EIF4E1B: variants seen among roughly 807,000 people sequenced by gnomAD.
EIF4E1B encodes eukaryotic translation initiation factor 4E type 1B.
EIF4E1B carries 22 observed loss-of-function variants against 31.3 expected under a neutral mutation model. The ratio of observed to expected loss-of-function variants is 0.70; its 90% confidence interval spans 0.50 to 1.00. The LOEUF (loss-of-function observed/expected upper bound fraction) is 1.00. Ranked by LOEUF, EIF4E1B falls within the 50% of genes least tolerant of loss-of-function variation. The probability of loss-of-function intolerance (pLI) is 0.00; values close to 1 mark genes in which losing one functional copy is unlikely to be tolerated. For synonymous variants in EIF4E1B, 126 were observed against 120.2 expected, an observed-to-expected ratio of 1.05 and a Z score of -0.31; for missense variants, 290 against 311.6, an observed-to-expected ratio of 0.93 and a Z score of 0.52.
Position 176,646,007 on chromosome 5 carries a change from A to G in EIF4E1B, c.*27A>G, listed in dbSNP as rs1410932852. On this transcript the variant is annotated 3_prime_UTR_variant, in exon 9 of 9. Transcript: ENST00000318682. Reference sequence around the variant, plus strand: ...GGGGGCCTTGGCACCCCTCCTATGTAATGGGACAGCCGCCACTGAGCCTCA... The same window carrying G: ...GGGGGCCTTGGCACCCCTCCTATGTGATGGGACAGCCGCCACTGAGCCTCA... 3 of 1,557,848 alleles carry G rather than the reference A, an allele frequency of 1.9e-6. No homozygotes were observed. Among genetic ancestry groups the G allele is most frequent in the South Asian group, 2.3e-5 (2 of 85,778 alleles).
chr5:176,633,457 G>A (rs901599991), intron 1 of EIF4E1B, among the ~76,000 whole-genome samples: 7 of 152,108 alleles, frequency 4.6e-5, no homozygotes, highest in Non-Finnish European at 5.9e-5. Context: ...CGTAGAGACA[G>A]GGTATTTGTT....
intron 1 of EIF4E1B, among the ~76,000 whole-genome samples, chr5:176,639,861 G>A (rs1760547385): frequency 6.6e-6 from 1 of 152,100 alleles, no homozygotes; most frequent in Admixed American, 6.6e-5. Context: ...GTTTGAGGCT[G>A]CAGTGAGCTA....
chr5:176,643,997 C>G (rs1189208399), intron 5 of EIF4E1B: 14 of 568,576 alleles, frequency 2.5e-5, no homozygotes, highest in East Asian at 1.5e-4. Flanking sequence ...GGGCAAGTTC[C>G]TTCCCCTCTC....
intron 1 of EIF4E1B, among the ~76,000 whole-genome samples, chr5:176,636,043 C>G (rs1022557490): frequency 5.9e-5 from 9 of 152,190 alleles, no homozygotes; most frequent in African/African-American, 2.2e-4. Flanking sequence ...TCTCGAACTC[C>G]TGACCTCAGG....
Position 176,634,671 on chromosome 5 carries a change from T to C in EIF4E1B, c.-202+3607T>C, listed in dbSNP as rs917497647. Among the ~76,000 whole-genome samples, 474 of 137,944 alleles carry C rather than the reference T, an allele frequency of 3.4e-3. 1 individual carries two copies. Among genetic ancestry groups the C allele is most frequent in the African/African-American group, 0.012 (450 of 38,538 alleles). The allele number at this position is 137,944 out of a possible 152,430, so 90.5% of individuals were successfully genotyped here. On this transcript the variant is annotated intron_variant, in intron 1 of 8. Coordinates refer to ENST00000318682, the MANE Select transcript of EIF4E1B (RefSeq NM_001099408.2). ...CACAATTCCTGAAGTTTTTTTTTTT[T>C]TCTTTTTTTTTTTTTCGAGACAGAG...
intron 1 of EIF4E1B, among the ~76,000 whole-genome samples, chr5:176,641,459 C>T (rs1760576150): frequency 6.6e-6 from 1 of 152,238 alleles, no homozygotes; most frequent in African/African-American, 2.4e-5. Context: ...CTGATACACG[C>T]ACCTAAGAAC....
intron 2 of EIF4E1B, 112 bp from the exon 3 acceptor site, chr5:176,642,598 C>T (rs1354485609): frequency 3.5e-6 from 3 of 859,652 alleles, no homozygotes; most frequent in African/African-American, 1.7e-5. Context: ...GTCAGTGTCT[C>T]TGCTTCTGCC....
intron 1 of EIF4E1B, among the ~76,000 whole-genome samples, chr5:176,637,603 T>C (rs1266878225): frequency 6.6e-6 from 1 of 152,072 alleles, no homozygotes; most frequent in Admixed American, 6.6e-5. Flanking sequence ...TCACATACGA[T>C]GGGCAGGGAT....
At chr5:176,643,030 G>A (rs1760615870) in intron 3 of EIF4E1B, 52 bp from the exon 4 acceptor site, 6 of 1,555,878 alleles carry the variant, frequency 3.9e-6, no homozygotes, top group South Asian at 3.6e-5. Flanking sequence ...TGGGCACAGG[G>A]ACAGCCAGGG....
chr5:176,645,217 G>A lies in EIF4E1B; in HGVS notation c.448G>A (p.Glu150Lys), dbSNP rs1760670075. The stretch of plus-strand genomic sequence containing the variant: ...CCTGGCCAAGCAGCAGCGCCACATT[G>A]AGCTGGACCGGCTGTGGCTGGAGAC... ...VSLAKQQRHI[E>K]LDRLWLETLL... Residue 150 changes from glutamate (E) to lysine (K), a missense_variant, in exon 7 of 9, where the codon GAG (glutamate) becomes AAG (lysine). Transcript: ENST00000318682. This position sits in a 1 kb window ranked among gnomAD's most constrained non-coding sequence, Gnocchi z 5.4. The A allele has an allele frequency of 1.3e-6, 2 of 1,593,234 alleles. No individual in the cohort carries two copies. Among genetic ancestry groups the A allele is most frequent in the Non-Finnish European group, 1.7e-6 (2 of 1,170,106 alleles).
intron 1 of EIF4E1B, among the ~76,000 whole-genome samples, chr5:176,640,463 G>C (rs1337494324): frequency 6.6e-6 from 1 of 152,256 alleles, no homozygotes; most frequent in Non-Finnish European, 1.5e-5. Context: ...CAATAGATAA[G>C]TGGGACACAG....
At chr5:176,644,038 C>T (rs1449031896) in intron 5 of EIF4E1B, 7 of 550,968 alleles carry the variant, frequency 1.3e-5, no homozygotes, top group South Asian at 2.5e-5. Flanking sequence ...AGGGAGGACT[C>T]GGCTGCCTCA....
intron 2 of EIF4E1B, 67 bp from the exon 3 acceptor site, chr5:176,642,634 TCTGGGGTCA>T: frequency 7.8e-7 from 1 of 1,289,970 alleles, no homozygotes; most frequent in Non-Finnish European, 1.1e-6. Context: ...CACCTCACAT[TCTGGGGTCA>T]CCCTCCACGG....
In EIF4E1B at chr5:176,638,719, C is replaced by T. The variant is rs1760532543; in HGVS notation, c.-201-3324C>T. On this transcript the variant is annotated intron_variant, in intron 1 of 8. Coordinates refer to ENST00000318682, the MANE Select transcript of EIF4E1B (RefSeq NM_001099408.2). The surrounding 1 kb of genome is among the most constrained non-coding windows in gnomAD (Gnocchi z 4.3). ...GAGGCTGGATCGCCTAAGAACCTTG[C>T]AAGCCCAGGACCTGGACTTTGGATC... 6.6e-6 allele frequency among the ~76,000 whole-genome samples: 1 copy of T among 152,238 alleles called. No homozygotes were observed. Among genetic ancestry groups the T allele is most frequent in the African/African-American group, 2.4e-5 (1 of 41,458 alleles).
Position 176,637,091 on chromosome 5 carries a change from A to G in EIF4E1B, c.-201-4952A>G, listed in dbSNP as rs143729287. 2.7e-3 allele frequency among the ~76,000 whole-genome samples: 406 copies of G among 152,356 alleles called. 2 individuals carry two copies. Among genetic ancestry groups the G allele is most frequent in the African/African-American group, 9.5e-3 (396 of 41,586 alleles). On this transcript the variant is annotated intron_variant, in intron 1 of 8. Coordinates refer to ENST00000318682, the MANE Select transcript of EIF4E1B (RefSeq NM_001099408.2). Reference sequence around the variant, plus strand: ...TCCCTGCTCCCTCTGACTTCTGAGTACTTCCCATAAGCCAGACGCTGTTGT... The same window carrying G: ...TCCCTGCTCCCTCTGACTTCTGAGTGCTTCCCATAAGCCAGACGCTGTTGT...
chr5:176,644,009 G>A lies in EIF4E1B; in HGVS notation c.296+275G>A, dbSNP rs576033312. The stretch of plus-strand genomic sequence containing the variant: ...CCTGGGCAAGTTCCTTCCCCTCTCT[G>A]AACCTGTCTCAGCTGCAAAGGGAGG... On this transcript the variant is annotated intron_variant, in intron 5 of 8. Transcript: ENST00000318682. The A allele has an allele frequency of 3.2e-4, 181 of 564,826 alleles. No individual in the cohort carries two copies. In the South Asian group the frequency reaches 4.1e-3, roughly 13 times the overall value. The allele number at this position is 564,826 out of a possible 1,614,324, so 35.0% of individuals were successfully genotyped here.
At chr5:176,640,147 T>A (rs985890694) in intron 1 of EIF4E1B, among the ~76,000 whole-genome samples, 1 of 152,222 alleles carries the variant, frequency 6.6e-6, no homozygotes, top group Admixed American at 6.5e-5. Flanking sequence ...TCCTGTCTCT[T>A]GGGATGCTTG....
intron 1 of EIF4E1B, among the ~76,000 whole-genome samples, chr5:176,634,890 G>A (rs1327417679): frequency 6.6e-6 from 1 of 151,862 alleles, no homozygotes; most frequent in Non-Finnish European, 1.5e-5. Flanking sequence ...GGCTGGTCTC[G>A]ATCTCCTGAC....
At position 176,645,201 on chromosome 5, in the gene EIF4E1B, G is replaced by A. The variant is rs758116063; in HGVS notation, c.432G>A (p.Lys144=). ...GCCGCTGGCTGGTCAGCCTGGCCAA[G>A]CAGCAGCGCCACATTGAGCTGGACC... ...RGGRWLVSLA[K]QQRHIELDRL... The change falls in exon 7 of 9, where the codon AAG becomes AAA. Residue 144 remains lysine (K), a synonymous_variant. Transcript: ENST00000318682. The surrounding 1 kb of genome is among the most constrained non-coding windows in gnomAD (Gnocchi z 5.4). The A allele has an allele frequency of 6.3e-7, 1 of 1,588,026 alleles. No individual in the cohort carries two copies. The highest frequency in any genetic ancestry group is 8.6e-7 in the Non-Finnish European group (1 of 1,167,584).
Sources: gnomAD v4.1 joint callset for allele counts (sites outside exome capture counted in the v4.1 genomes callset) on GRCh38, gnomAD v4.1.1 for gene constraint, Gnocchi (gnomAD v3.1) non-coding constraint, MANE v1.5 for transcripts, NCBI Gene and HGNC (gene_info 2026-07-23, HGNC 2026-07-21) for gene names.